Variants in CTNNA3 observed in about 807,000 individuals in gnomAD.
CTNNA3 encodes catenin alpha-3.
A neutral mutation model predicts 95.7 loss-of-function variants in CTNNA3; 76 were observed. The observed-to-expected ratio is 0.79, with a 90% CI of 0.66 to 0.96. The LOEUF is 0.96. CTNNA3 is among the 40% of genes least tolerant of loss of function. The probability of loss-of-function intolerance (pLI) is 0.00; values close to 1 mark genes in which losing one functional copy is unlikely to be tolerated. For synonymous variants in CTNNA3, 431 were observed against 374.4 expected (o/e 1.15, Z -1.74); for missense variants, 1,191 against 1,089.8 (o/e 1.09, Z -1.31).
At chr10:66,845,029 A>G (rs548514169) in intron 7 of CTNNA3, among the ~76,000 whole-genome samples, 42 of 152,350 alleles carry the variant, frequency 2.8e-4, no homozygotes, top group Non-Finnish European at 5.1e-4. Flanking sequence ...ATGCAAGTCT[A>G]AAGATCACAA....
At chr10:67,260,727 C>G (rs1168907177) in intron 5 of CTNNA3, among the ~76,000 whole-genome samples, 1 of 151,740 alleles carries the variant, frequency 6.6e-6, no homozygotes, top group African/African-American at 2.4e-5. Context: ...TCTTGTTGCC[C>G]AGCCTGGAGT....
intron 13 of CTNNA3, among the ~76,000 whole-genome samples, chr10:66,245,086 T>A (rs1455653688): frequency 1.3e-5 from 2 of 152,058 alleles, no homozygotes; most frequent in Admixed American, 1.3e-4. Context: ...CTAGATCCCA[T>A]GCCTGCCAAG....
chr10:67,287,194 C>G (rs1303862677), intron 5 of CTNNA3, among the ~76,000 whole-genome samples: 1 of 151,884 alleles, frequency 6.6e-6, no homozygotes, highest in Non-Finnish European at 1.5e-5. Context: ...AAAAATTAGC[C>G]GGGCATGGTG....
rs536127476 is a variant in CTNNA3 at position 67,504,106 on chromosome 10, G to A, written c.579+17736C>T. ...CAGAAGGTGGAGCTTGCAGTGAGCC[G>A]AGATCACGCCACTGCACTCCAGCCT... is the stretch of plus-strand genomic sequence containing the variant. On this transcript the variant is annotated intron_variant, in intron 5 of 17. Coordinates refer to ENST00000433211, the MANE Select transcript of CTNNA3 (RefSeq NM_013266.4). Among the ~76,000 whole-genome samples, 5 of 148,556 alleles carry A rather than the reference G, an allele frequency of 3.4e-5. No individual in the cohort carries two copies. The East Asian group carries it at 8.1e-4, about 24-fold the overall frequency.
rs1324894417 is a variant in CTNNA3, at chr10:65,916,844, C to T, written c.*3486G>A. 2 of 151,972 alleles carry T rather than the reference C, an allele frequency of 1.3e-5. No individual in the cohort carries two copies. The highest frequency in any genetic ancestry group is 2.9e-5 in the Non-Finnish European group (2 of 67,992). 9.4% of individuals were successfully genotyped at this position (151,972 alleles called of 1,614,324 possible). ...CCAGAGGTGGGTGAGATGAGAACAC[C>T]CTCAAAATGAAGGTTCAGGAAGCCG... On this transcript the variant is annotated 3_prime_UTR_variant, in exon 18 of 18. Transcript: ENST00000433211.
chr10:67,663,636 G>A (rs1445095641), intron 1 of CTNNA3, among the ~76,000 whole-genome samples: 2 of 152,158 alleles, frequency 1.3e-5, no homozygotes, highest in African/African-American at 2.4e-5. Context: ...GCTTCCCATC[G>A]CGGGTCTCGG....
chr10:66,212,785 C>T (rs986368526), intron 13 of CTNNA3, among the ~76,000 whole-genome samples: 2 of 152,176 alleles, frequency 1.3e-5, no homozygotes, highest in Non-Finnish European at 2.9e-5. Flanking sequence ...GGGCAGATTA[C>T]TTGAGGCCAG....
intron 1 of CTNNA3, among the ~76,000 whole-genome samples, chr10:67,729,180 T>C (rs1841261110): frequency 1.3e-5 from 2 of 152,156 alleles, no homozygotes; most frequent in South Asian, 2.1e-4. Context: ...CCTTTTCTTA[T>C]TGTTCCCTAA....
intron 6 of CTNNA3, among the ~76,000 whole-genome samples, chr10:67,184,967 GT>G (rs1243886475): frequency 2.6e-5 from 4 of 152,074 alleles, no homozygotes; most frequent in Non-Finnish European, 5.9e-5. Flanking sequence ...TCCATGCATA[GT>G]TTTTTATAAT....
At chr10:67,038,417 G>A (rs536479771) in intron 7 of CTNNA3, among the ~76,000 whole-genome samples, 8 of 152,010 alleles carry the variant, frequency 5.3e-5, no homozygotes, top group South Asian at 2.1e-4. Context: ...ACAAAAATAC[G>A]TACTATAAGA....
intron 13 of CTNNA3, among the ~76,000 whole-genome samples, chr10:66,218,886 C>T (rs555867587): frequency 6.6e-6 from 1 of 152,312 alleles, no homozygotes; most frequent in Non-Finnish European, 1.5e-5. Context: ...TGGGCAGATA[C>T]AGGACAGAGT....
chr10:66,126,178 C>T (rs1046653012), intron 13 of CTNNA3, among the ~76,000 whole-genome samples: 18 of 152,226 alleles, frequency 1.2e-4, no homozygotes, highest in South Asian at 6.2e-4. Flanking sequence ...AAAGGAATTA[C>T]CAGTAAGCAA....
At chr10:66,196,240 C>G (rs757926824) in intron 13 of CTNNA3, among the ~76,000 whole-genome samples, 10 of 151,998 alleles carry the variant, frequency 6.6e-5, no homozygotes, top group Non-Finnish European at 1.3e-4. Context: ...AGCAAGATAA[C>G]ATTAATGAGA....
At chr10:66,758,795 C>T (rs867662652) in intron 9 of CTNNA3, among the ~76,000 whole-genome samples, 3 of 151,996 alleles carry the variant, frequency 2.0e-5, no homozygotes, top group African/African-American at 2.4e-5. Flanking sequence ...ATTAGCCATG[C>T]GTGGTGGCAG....
At chr10:67,494,076 T>C (rs1838949714) in intron 5 of CTNNA3, among the ~76,000 whole-genome samples, 1 of 152,164 alleles carries the variant, frequency 6.6e-6, no homozygotes, top group African/African-American at 2.4e-5. Context: ...AAACTAAGTT[T>C]AAGGATAGCA....
intron 7 of CTNNA3, among the ~76,000 whole-genome samples, chr10:66,889,831 C>T (rs1845194928): frequency 6.6e-6 from 1 of 150,882 alleles, no homozygotes; most frequent in Non-Finnish European, 1.5e-5. Flanking sequence ...TGCTCTGTCC[C>T]CAAGGCTGGA....
At position 66,214,325 on chromosome 10, in the gene CTNNA3, C is replaced by T. The variant is rs186206226; in HGVS notation, c.1884+66145G>A. 4.5e-3 allele frequency among the ~76,000 whole-genome samples: 680 copies of T among 152,222 alleles called. 3 individuals carry two copies. Among genetic ancestry groups the T allele is most frequent in the Middle Eastern group, 0.01 (3 of 294 alleles). On this transcript the variant is annotated intron_variant, in intron 13 of 17. Transcript: ENST00000433211. ...TGCAAGCAGAGGGTTACATCTCCAC[C>T]TAGCATATAAAATGGAGAAACAGCA... is the stretch of plus-strand genomic sequence containing the variant.
intron 9 of CTNNA3, among the ~76,000 whole-genome samples, chr10:66,704,490 T>G (rs1285250039): frequency 6.6e-6 from 1 of 152,120 alleles, no homozygotes; most frequent in East Asian, 1.9e-4. Flanking sequence ...ATGTGACACA[T>G]TATTGGAAAC....
chr10:66,971,410 G>A (rs1849718285), intron 7 of CTNNA3, among the ~76,000 whole-genome samples: 2 of 125,784 alleles, frequency 1.6e-5, no homozygotes, highest in South Asian at 6.3e-4. Flanking sequence ...CTGGGCAACA[G>A]AGAGAGACTC....
Sources: allele counts gnomAD v4.1 joint callset (sites outside exome capture counted in the v4.1 genomes callset), GRCh38; gene constraint gnomAD v4.1.1; transcripts MANE v1.5; gene names NCBI Gene and HGNC (gene_info 2026-07-23, HGNC 2026-07-21).